RALYL: variants seen among roughly 807,000 people sequenced by gnomAD.
The protein encoded by RALYL is RNA-binding Raly-like protein.
A neutral mutation model predicts 35.1 loss-of-function variants in RALYL; 29 were observed. The ratio of observed to expected loss-of-function variants is 0.83; its 90% CI spans 0.61 to 1.13. The LOEUF (loss-of-function observed/expected upper bound fraction) is 1.13. Among genes scored for constraint, RALYL ranks in the 50% most tolerant of loss-of-function variants. RALYL has a pLI of 0.00. For missense variants in RALYL, 359 were observed against 360.4 expected, an observed-to-expected ratio of 1.00 and a Z score of 0.03; for synonymous variants, 120 against 127.6, an observed-to-expected ratio of 0.94 and a Z score of 0.40.
At chr8:84,357,448 A>G (rs2131190908) in intron 1 of RALYL, among the ~76,000 whole-genome samples, 1 of 152,064 alleles carries the variant, frequency 6.6e-6, no homozygotes, top group African/African-American at 2.4e-5. Context: ...CAAGCCCTAA[A>G]AGAATCTAAT....
intron 1 of RALYL, among the ~76,000 whole-genome samples, chr8:84,426,886 G>A (rs2046542058): frequency 6.6e-6 from 1 of 152,062 alleles, no homozygotes; most frequent in African/African-American, 2.4e-5. Flanking sequence ...CCGTTATGGA[G>A]AACAGTATGG....
chr8:84,521,556 C>G (rs2058460233), intron 1 of RALYL, among the ~76,000 whole-genome samples: 1 of 152,164 alleles, frequency 6.6e-6, no homozygotes, highest in South Asian at 2.1e-4. Flanking sequence ...GAATAGAACC[C>G]TCTGCCAAAT....
rs577073972 is a variant in RALYL at position 84,737,491 on chromosome 8, T to C, written c.257-37088T>C. On this transcript the variant is annotated intron_variant, in intron 2 of 8. Coordinates refer to ENST00000521268, the MANE Select transcript of RALYL (RefSeq NM_173848.7). ...ACACATTTATATAATATACACAGAC[T>C]AGTGCTATTGGGGGAACTATATATT... Among the ~76,000 whole-genome samples, 10 of 152,088 alleles carry C rather than the reference T, an allele frequency of 6.6e-5. No homozygotes were observed. In the South Asian group the frequency reaches 2.1e-3, roughly 32 times the overall value.
intron 2 of RALYL, among the ~76,000 whole-genome samples, chr8:84,731,515 A>C (rs927265309): frequency 9.2e-5 from 14 of 152,078 alleles, no homozygotes; most frequent in Non-Finnish European, 2.9e-5. Context: ...TCGATCACCA[A>C]ACGTCAGTGA....
chr8:84,789,375 A>G (rs1820275156), intron 3 of RALYL, among the ~76,000 whole-genome samples: 1 of 152,252 alleles, frequency 6.6e-6, no homozygotes, highest in Admixed American at 6.5e-5. Context: ...AAAACTATCT[A>G]CAACATCAGT....
chr8:84,224,919 G>C (rs1481441906), intron 1 of RALYL, among the ~76,000 whole-genome samples: 1 of 151,958 alleles, frequency 6.6e-6, no homozygotes, highest in Non-Finnish European at 1.5e-5. Context: ...CCTCCCAAAG[G>C]GCTGGGATTA....
At chr8:84,232,182 A>G (rs1363198279) in intron 1 of RALYL, among the ~76,000 whole-genome samples, 1 of 152,124 alleles carries the variant, frequency 6.6e-6, no homozygotes, top group Non-Finnish European at 1.5e-5. Flanking sequence ...CTGACTTAGA[A>G]TGTGGGGGGA....
chr8:84,801,516 T>C (rs1321904860), intron 3 of RALYL, among the ~76,000 whole-genome samples: 1 of 152,168 alleles, frequency 6.6e-6, no homozygotes, highest in Non-Finnish European at 1.5e-5. Context: ...ATGGTGATGA[T>C]AAGTATTACC....
intron 2 of RALYL, among the ~76,000 whole-genome samples, chr8:84,565,605 A>G (rs1296429517): frequency 2.0e-5 from 3 of 151,650 alleles, no homozygotes; most frequent in Non-Finnish European, 4.4e-5. Context: ...AAACAATAGG[A>G]TTATTAGTTC....
intron 2 of RALYL, among the ~76,000 whole-genome samples, chr8:84,664,054 A>G (rs886650672): frequency 2.6e-5 from 4 of 152,078 alleles, no homozygotes; most frequent in African/African-American, 9.7e-5. Flanking sequence ...TTATCTTAGC[A>G]CCATTTATTA....
chr8:84,895,594 C>A (rs1844618715), intron 8 of RALYL, among the ~76,000 whole-genome samples: 1 of 152,152 alleles, frequency 6.6e-6, no homozygotes, highest in African/African-American at 2.4e-5. Context: ...CTCACCACAA[C>A]CTCCATCTCC....
chr8:84,355,122 A>G (rs1851578682), intron 1 of RALYL, among the ~76,000 whole-genome samples: 1 of 150,294 alleles, frequency 6.7e-6, no homozygotes, highest in East Asian at 1.9e-4. Context: ...GAGAGAGCCA[A>G]ATTTTACTCT....
At chr8:84,796,114 T>C (rs780642661) in intron 3 of RALYL, among the ~76,000 whole-genome samples, 2 of 152,206 alleles carry the variant, frequency 1.3e-5, no homozygotes, top group East Asian at 1.9e-4. Context: ...AGAAGCTGAC[T>C]GACAGGGCAT....
intron 1 of RALYL, among the ~76,000 whole-genome samples, chr8:84,186,328 T>C (rs1287247911): frequency 6.6e-6 from 1 of 152,172 alleles, no homozygotes; most frequent in Non-Finnish European, 1.5e-5. Context: ...CATAAAACAT[T>C]AAAAAAGCCA....
rs531998883 is a variant in RALYL at position 84,494,934 on chromosome 8, G to C, written c.-23-34365G>C. Among the ~76,000 whole-genome samples the C allele has an allele frequency of 2.4e-4, 36 of 152,200 alleles. 2 individuals are homozygous for C. In the South Asian group the frequency reaches 7.3e-3, roughly 31 times the overall value. ...CCCTGGCCAGAACTTTCAATACTATGTTGAATAGGAGTGGCGAGAGAGGGC... is the reference window on the plus strand; with the variant it reads ...CCCTGGCCAGAACTTTCAATACTATCTTGAATAGGAGTGGCGAGAGAGGGC... On this transcript the variant is annotated intron_variant, in intron 1 of 8. Transcript: ENST00000521268.
chr8:84,232,634 G>A (rs1441027521), intron 1 of RALYL, among the ~76,000 whole-genome samples: 1 of 152,080 alleles, frequency 6.6e-6, no homozygotes, highest in Non-Finnish European at 1.5e-5. Flanking sequence ...TAATGCCTAT[G>A]ACTGTAATCT....
intron 2 of RALYL, among the ~76,000 whole-genome samples, chr8:84,533,540 A>G (rs561800769): frequency 2.0e-5 from 3 of 152,308 alleles, no homozygotes; most frequent in Non-Finnish European, 4.4e-5. Context: ...AAAAGATACA[A>G]TTTATGAACT....
At chr8:84,624,233 C>G (rs1248740220) in intron 2 of RALYL, among the ~76,000 whole-genome samples, 1 of 152,190 alleles carries the variant, frequency 6.6e-6, no homozygotes, top group Admixed American at 6.5e-5. Context: ...TACTAGTTCT[C>G]TACTGCAGCT....
At chr8:84,442,089 G>C (rs142013557) in intron 1 of RALYL, among the ~76,000 whole-genome samples, 75 of 152,120 alleles carry the variant, frequency 4.9e-4, no homozygotes, top group African/African-American at 1.7e-3. Context: ...ACCAACAAAG[G>C]CAAAAAGAAA....
Sources: allele counts gnomAD v4.1 joint callset (sites outside exome capture counted in the v4.1 genomes callset), GRCh38; gene constraint gnomAD v4.1.1; transcripts MANE v1.5; gene names NCBI Gene and HGNC (gene_info 2026-07-23, HGNC 2026-07-21).